TDRD5: variants seen among roughly 807,000 people sequenced by gnomAD.
TDRD5 encodes tudor domain containing 5, also known as tudor domain-containing protein 5.
Under a neutral mutation model 120.6 loss-of-function variants are expected in TDRD5, and 41 were observed. That is an observed-to-expected ratio of 0.34 (90% CI 0.26 to 0.44). TDRD5 has a LOEUF of 0.44. Among genes scored for constraint, TDRD5 ranks in the 20% least tolerant of loss-of-function variants. TDRD5 has a pLI of 1.00. For synonymous variants in TDRD5, 430 were observed against 433.7 expected (o/e 0.99, Z 0.11); for missense variants, 1,006 against 1,221.2 (o/e 0.82, Z 2.63).
chr1:179,620,946 C>A, intron 5 of TDRD5, 89 bp from the exon 6 acceptor site: 1 of 1,010,256 alleles, frequency 9.9e-7, no homozygotes, highest in Non-Finnish European at 1.4e-6. Context: ...GTTACTTTTG[C>A]CTTTGTTGTT....
chr1:179,611,518 A>G (rs1421485788), intron 4 of TDRD5, among the ~76,000 whole-genome samples: 1 of 152,142 alleles, frequency 6.6e-6, no homozygotes, highest in East Asian at 1.9e-4. Context: ...TGAACAGTAG[A>G]TTTGCTGTGC....
At chr1:179,641,068 G>A (rs1013100874) in intron 11 of TDRD5, among the ~76,000 whole-genome samples, 7 of 151,924 alleles carry the variant, frequency 4.6e-5, no homozygotes, top group Admixed American at 3.9e-4. Flanking sequence ...GTATGTAGGT[G>A]CATTTATATA....
chr1:179,682,879 A>T (rs536166566), intron 17 of TDRD5, among the ~76,000 whole-genome samples: 2 of 152,222 alleles, frequency 1.3e-5, no homozygotes, highest in South Asian at 4.1e-4. Context: ...TTTTGTCCCA[A>T]CGTAAGATCT....
intron 3 of TDRD5, among the ~76,000 whole-genome samples, chr1:179,594,667 T>C (rs1387280324): frequency 6.6e-6 from 1 of 152,240 alleles, no homozygotes; most frequent in African/African-American, 2.4e-5. Flanking sequence ...TTTCAGTGAT[T>C]TTCTTTTTCT....
chr1:179,641,827 G>A (rs778529311), intron 11 of TDRD5, among the ~76,000 whole-genome samples: 2 of 152,054 alleles, frequency 1.3e-5, no homozygotes, highest in Non-Finnish European at 2.9e-5. Flanking sequence ...CTGCTTAACC[G>A]TTTCTTTATT....
At chr1:179,650,784 C>A (rs1678668582) in intron 11 of TDRD5, 83 bp from the exon 12 acceptor site, 1 of 1,365,724 alleles carries the variant, frequency 7.3e-7, no homozygotes, top group Non-Finnish European at 1.0e-6. Context: ...ATCTCTAGTT[C>A]ATCAGAATTC....
intron 4 of TDRD5, among the ~76,000 whole-genome samples, chr1:179,617,026 G>A (rs1676596698): frequency 6.6e-6 from 1 of 152,276 alleles, no homozygotes; most frequent in East Asian, 1.9e-4. Flanking sequence ...TTCACTGGGA[G>A]AGCTTTAGGA....
At chr1:179,634,663 T>G (rs1424636433) in intron 8 of TDRD5, 34 bp downstream of exon 8, 4 of 1,565,278 alleles carry the variant, frequency 2.6e-6, no homozygotes. Context: ...CACTGGAGAT[T>G]CAGCATTATG....
intron 14 of TDRD5, among the ~76,000 whole-genome samples, chr1:179,656,443 C>T (rs566612806): frequency 2.6e-5 from 4 of 152,166 alleles, no homozygotes; most frequent in South Asian, 4.2e-4. Flanking sequence ...AAAAACCTAA[C>T]GTATCAACTT....
chr1:179,671,356 G>C (rs973758804), intron 17 of TDRD5, among the ~76,000 whole-genome samples: 1 of 152,130 alleles, frequency 6.6e-6, no homozygotes, highest in Non-Finnish European at 1.5e-5. Context: ...TAGCTTGTCA[G>C]TATCTGCACA....
At chr1:179,649,033 A>G (rs1039423399) in intron 11 of TDRD5, among the ~76,000 whole-genome samples, 1 of 152,208 alleles carries the variant, frequency 6.6e-6, no homozygotes, top group Non-Finnish European at 1.5e-5. Flanking sequence ...CACATTGAAG[A>G]TATCATTACT....
chr1:179,678,571 CATTT>C (rs1680260072), intron 17 of TDRD5, among the ~76,000 whole-genome samples: 1 of 140,954 alleles, frequency 7.1e-6, no homozygotes, highest in Non-Finnish European at 1.5e-5. Flanking sequence ...TATATTTAAA[CATTT>C]ATTCTTCTTT....
At chr1:179,670,196 C>A (rs957330773) in intron 17 of TDRD5, among the ~76,000 whole-genome samples, 7 of 152,070 alleles carry the variant, frequency 4.6e-5, no homozygotes, top group Admixed American at 6.6e-5. Context: ...TCAAGACCAG[C>A]CTGGCCAAGA....
intron 4 of TDRD5, among the ~76,000 whole-genome samples, chr1:179,596,415 A>G (rs1675393087): frequency 6.6e-6 from 1 of 152,204 alleles, no homozygotes; most frequent in Non-Finnish European, 1.5e-5. Flanking sequence ...ATAATTATAC[A>G]ATCACCATCA....
intron 4 of TDRD5, among the ~76,000 whole-genome samples, chr1:179,608,797 G>A (rs926150858): frequency 1.3e-5 from 2 of 151,210 alleles, no homozygotes; most frequent in African/African-American, 4.9e-5. Context: ...TCACATGGCT[G>A]GTAACTTCTG....
chr1:179,605,379 G>C (rs905515002), intron 4 of TDRD5, among the ~76,000 whole-genome samples: 2 of 152,120 alleles, frequency 1.3e-5, no homozygotes, highest in Non-Finnish European at 2.9e-5. Flanking sequence ...TTCGATGTTA[G>C]TTTTGAGATG....
chr1:179,633,454 T>C (rs12046730), intron 7 of TDRD5, among the ~76,000 whole-genome samples: 53,088 of 151,620 alleles, frequency 0.35, 9,412 homozygotes, highest in Admixed American at 0.42. Flanking sequence ...CAGGTTCAAG[T>C]GATTCTCCTG....
intron 4 of TDRD5, among the ~76,000 whole-genome samples, chr1:179,612,800 G>T (rs1676350143): frequency 6.6e-6 from 1 of 151,950 alleles, no homozygotes; most frequent in South Asian, 2.1e-4. Flanking sequence ...CTGGGGTGTG[G>T]TGGCACATGC....
intron 11 of TDRD5, among the ~76,000 whole-genome samples, chr1:179,641,954 A>G (rs971621730): frequency 6.6e-6 from 1 of 152,088 alleles, no homozygotes; most frequent in African/African-American, 2.4e-5. Context: ...TATTTCCGAT[A>G]AGTTTCTTTT....
Sources: gnomAD v4.1 joint callset for allele counts (sites outside exome capture counted in the v4.1 genomes callset) on GRCh38, gnomAD v4.1.1 for gene constraint, MANE v1.5 for transcripts, NCBI Gene and HGNC (gene_info 2026-07-23, HGNC 2026-07-21) for gene names.